Variants in MYO6 observed in about 807,000 individuals in gnomAD.
MYO6 encodes the protein unconventional myosin-VI.
Under a neutral mutation model 178.7 loss-of-function variants are expected in MYO6, and 74 were observed. The ratio of observed to expected loss-of-function variants is 0.41; its 90% CI spans 0.34 to 0.50. The LOEUF (loss-of-function observed/expected upper bound fraction) is 0.50, where lower values mean the gene tolerates loss of function less well. Among genes scored for constraint, MYO6 ranks in the 20% least tolerant of loss-of-function variants. MYO6 has a pLI of 0.09. For missense variants in MYO6, 1,330 were observed against 1,547.4 expected, an observed-to-expected ratio of 0.86 and a Z score of 2.36; for synonymous variants, 477 against 504.6, an observed-to-expected ratio of 0.95 and a Z score of 0.73.
intron 1 of MYO6, among the ~76,000 whole-genome samples, chr6:75,764,922 C>A (rs887473587): frequency 6.6e-6 from 1 of 151,362 alleles, no homozygotes; most frequent in Non-Finnish European, 1.5e-5. Flanking sequence ...TGGCGTGAAT[C>A]CAGGAGGTGG....
intron 1 of MYO6, among the ~76,000 whole-genome samples, chr6:75,782,042 C>T (rs2150054810): frequency 6.6e-6 from 1 of 151,336 alleles, no homozygotes; most frequent in East Asian, 1.9e-4. Context: ...TCTGAGTAAC[C>T]TTACTCTAAA....
At chr6:75,845,078 C>G in intron 10 of MYO6, 101 bp downstream of exon 10, 1 of 927,282 alleles carries the variant, frequency 1.1e-6, no homozygotes, top group South Asian at 1.4e-5. Context: ...AGAGTTCTAA[C>G]TTTTAGGCTT....
intron 9 of MYO6, among the ~76,000 whole-genome samples, chr6:75,844,360 C>G (rs932452356): frequency 7.2e-5 from 11 of 151,946 alleles, no homozygotes; most frequent in African/African-American, 2.7e-4. Flanking sequence ...AAGCATAAAG[C>G]AAGTAGTGTA....
At chr6:75,894,763 A>G in intron 28 of MYO6, 1 of 1,307,356 alleles carries the variant, frequency 7.6e-7, no homozygotes, top group Non-Finnish European at 1.0e-6. Context: ...AAAAATGTAT[A>G]TATTATAGAT....
At position 75,822,846 on chromosome 6, in the gene MYO6, A is replaced by G; in HGVS notation, c.182A>G (p.Asp61Gly). Reference protein sequence around the residue: ...AEEDSKKDVEDNCSLMYLNEA... With the variant: ...AEEDSKKDVEGNCSLMYLNEA... ...GAGGACAGTAAAAAAGATGTGGAAG[A>G]TAACTGTAAGTACCAAGTTAAAAAT... is the stretch of plus-strand genomic sequence containing the variant. The change falls in exon 3 of 35, where the codon GAT becomes GGT. Residue 61 changes from aspartate to glycine, a missense_variant. Transcript: ENST00000369977. 1 of 1,612,620 alleles carries G rather than the reference A, an allele frequency of 6.2e-7. No homozygotes were observed. Among genetic ancestry groups the G allele is most frequent in the Non-Finnish European group, 8.5e-7 (1 of 1,178,850 alleles).
chr6:75,869,125 A>G (rs1220110324), intron 18 of MYO6, among the ~76,000 whole-genome samples: 2 of 130,138 alleles, frequency 1.5e-5, no homozygotes, highest in African/African-American at 3.1e-5. Context: ...TCTGTGGATG[A>G]AGGAGTCTGG....
intron 1 of MYO6, among the ~76,000 whole-genome samples, chr6:75,804,632 CT>C (rs1279068322): frequency 4.6e-5 from 7 of 152,170 alleles, no homozygotes; most frequent in Non-Finnish European, 1.0e-4. Flanking sequence ...TACCTTGTCT[CT>C]TTTTGCTCAC....
At chr6:75,876,771 T>C (rs1281945418) in intron 20 of MYO6, among the ~76,000 whole-genome samples, 5 of 152,120 alleles carry the variant, frequency 3.3e-5, no homozygotes, top group African/African-American at 1.2e-4. Flanking sequence ...ATAATAGATA[T>C]CATAATAGTA....
chr6:75,789,947 T>G (rs1383524041), intron 1 of MYO6, among the ~76,000 whole-genome samples: 1 of 152,208 alleles, frequency 6.6e-6, no homozygotes, highest in African/African-American at 2.4e-5. Context: ...TTTTATGAAA[T>G]CAATTTTTTT....
intron 1 of MYO6, among the ~76,000 whole-genome samples, chr6:75,750,979 C>T (rs1362545013): frequency 6.6e-6 from 1 of 152,118 alleles, no homozygotes; most frequent in Non-Finnish European, 1.5e-5. Context: ...CAAAGGTTGG[C>T]GGCAAAACAG....
chr6:75,789,079 C>T (rs1767968439), intron 1 of MYO6, among the ~76,000 whole-genome samples: 1 of 152,204 alleles, frequency 6.6e-6, no homozygotes, highest in Non-Finnish European at 1.5e-5. Context: ...GGTCTCTAGA[C>T]TCACTTGCTA....
At chr6:75,832,447 T>C (rs1280058) in intron 5 of MYO6, among the ~76,000 whole-genome samples, 97,501 of 151,962 alleles carry the variant, frequency 0.64, 32,929 homozygotes, top group East Asian at 0.91. Context: ...TTTTGGTTGC[T>C]AGATTTCTTA....
intron 3 of MYO6, among the ~76,000 whole-genome samples, chr6:75,825,460 G>T (rs1052545554): frequency 3.9e-5 from 6 of 152,114 alleles, no homozygotes; most frequent in African/African-American, 1.2e-4. Flanking sequence ...GAGCATGGTG[G>T]TGGGCGCCGG....
At chr6:75,788,564 A>G (rs1190060045) in intron 1 of MYO6, among the ~76,000 whole-genome samples, 1 of 152,158 alleles carries the variant, frequency 6.6e-6, no homozygotes, top group Non-Finnish European at 1.5e-5. Flanking sequence ...AAGCACCCTG[A>G]TGGTGGGGAT....
At position 75,878,451 on chromosome 6, in the gene MYO6, T is replaced by G. The variant is rs73462876; in HGVS notation, c.2078-1369T>G. On this transcript the variant is annotated intron_variant, in intron 20 of 34. Coordinates refer to ENST00000369977, the MANE Select transcript of MYO6 (RefSeq NM_004999.4). The stretch of plus-strand genomic sequence containing the variant: ...ATATTTCCAAATTGCCATCCAAAAT[T>G]GTTACACTGGCTTACTTTTCTGCTA... Among the ~76,000 whole-genome samples, 1,239 of 152,304 alleles carry G rather than the reference T, an allele frequency of 8.1e-3. 23 individuals carry two copies. Among genetic ancestry groups the G allele is most frequent in the African/African-American group, 0.027 (1,132 of 41,566 alleles).
At chr6:75,829,577 T>C (rs190828644) in intron 4 of MYO6, among the ~76,000 whole-genome samples, 21 of 152,314 alleles carry the variant, frequency 1.4e-4, no homozygotes, top group African/African-American at 4.6e-4. Flanking sequence ...ATTTATTCTA[T>C]TCCAAAAGAG....
chr6:75,802,383 T>C (rs1197994315), intron 1 of MYO6, among the ~76,000 whole-genome samples: 1 of 151,700 alleles, frequency 6.6e-6, no homozygotes, highest in Non-Finnish European at 1.5e-5. Flanking sequence ...TCAGGAGAAT[T>C]GCTTGAACCC....
At chr6:75,853,660 T>C (rs999449775) in intron 11 of MYO6, among the ~76,000 whole-genome samples, 4 of 152,188 alleles carry the variant, frequency 2.6e-5, no homozygotes, top group African/African-American at 9.6e-5. Context: ...TTTTCTCATA[T>C]ATATTCTAAG....
chr6:75,848,326 T>A (rs749429199), intron 10 of MYO6, 25 bp from the exon 11 acceptor site: 2 of 1,601,890 alleles, frequency 1.2e-6, no homozygotes, highest in African/African-American at 2.7e-5. Flanking sequence ...AACGATCAGT[T>A]AATTGGTGTC....
Sources: allele counts gnomAD v4.1 joint callset (sites outside exome capture counted in the v4.1 genomes callset), GRCh38; gene constraint gnomAD v4.1.1; transcripts MANE v1.5; gene names NCBI Gene and HGNC (gene_info 2026-07-23, HGNC 2026-07-21).